The following LDLRAD3 variants were observed in gnomAD, a reference collection of about 807,000 sequenced individuals.
LDLRAD3 encodes low-density lipoprotein receptor class A domain-containing protein 3.
A neutral mutation model predicts 29.4 loss-of-function variants in LDLRAD3; 20 were observed. That is an observed-to-expected ratio of 0.68 (90% CI 0.48 to 0.99). The LOEUF is 0.99. Among genes scored for constraint, LDLRAD3 ranks in the 50% least tolerant of loss-of-function variants. LDLRAD3 has a pLI of 0.00. For missense variants in LDLRAD3, 420 were observed against 454.3 expected (o/e 0.92, Z 0.69); for synonymous variants, 157 against 192.7 (o/e 0.81, Z 1.53).
intron 1 of LDLRAD3, among the ~76,000 whole-genome samples, chr11:35,973,171 GTTTTT>G (rs200993993): frequency 7.8e-6 from 1 of 128,546 alleles, no homozygotes; most frequent in Non-Finnish European, 1.7e-5. Flanking sequence ...GTTTTGTTTT[GTTTTT>G]TTTGATTATT....
chr11:36,053,585 GACATC>G (rs1187219565), intron 2 of LDLRAD3, among the ~76,000 whole-genome samples: 1 of 152,214 alleles, frequency 6.6e-6, no homozygotes, highest in Non-Finnish European at 1.5e-5. Flanking sequence ...GTGCCTGGTA[GACATC>G]AGCCTTGGCT....
At chr11:36,210,486 T>C (rs1418390180) in intron 4 of LDLRAD3, among the ~76,000 whole-genome samples, 1 of 152,146 alleles carries the variant, frequency 6.6e-6, no homozygotes, top group African/African-American at 2.4e-5. Context: ...ATTTCCTCTT[T>C]ATAGAATTGA....
At chr11:35,969,222 T>C (rs1224816749) in intron 1 of LDLRAD3, among the ~76,000 whole-genome samples, 1 of 152,212 alleles carries the variant, frequency 6.6e-6, no homozygotes, top group Non-Finnish European at 1.5e-5. Flanking sequence ...CTGCTCACGC[T>C]GGTGTGAACC....
At chr11:36,070,566 G>C (rs1303009363) in intron 2 of LDLRAD3, among the ~76,000 whole-genome samples, 1 of 152,186 alleles carries the variant, frequency 6.6e-6, no homozygotes, top group Non-Finnish European at 1.5e-5. Flanking sequence ...ATGATTCTTG[G>C]AGCGGCAATA....
At chr11:36,025,216 C>T (rs1219061174) in intron 1 of LDLRAD3, among the ~76,000 whole-genome samples, 2 of 152,022 alleles carry the variant, frequency 1.3e-5, no homozygotes, top group Non-Finnish European at 2.9e-5. Context: ...ATATGTCTTT[C>T]ATAGGGTTTT....
intron 2 of LDLRAD3, among the ~76,000 whole-genome samples, chr11:36,046,451 T>G (rs978751110): frequency 5.9e-5 from 9 of 152,192 alleles, no homozygotes; most frequent in Non-Finnish European, 1.0e-4. Context: ...GGCTTGTAGA[T>G]ACATCACTCC....
chr11:36,177,317 A>G (rs1288974087), intron 4 of LDLRAD3, among the ~76,000 whole-genome samples: 6 of 152,072 alleles, frequency 3.9e-5, no homozygotes, highest in Admixed American at 3.9e-4. Context: ...TTTTTCTGGC[A>G]GTTTAGTGAT....
intron 1 of LDLRAD3, among the ~76,000 whole-genome samples, chr11:35,965,026 G>C (rs1361893470): frequency 6.6e-6 from 1 of 151,722 alleles, no homozygotes; most frequent in Admixed American, 6.6e-5. Context: ...AGTTGAGCTG[G>C]GGCGGAAGTG....
At chr11:35,971,671 C>G (rs1406920052) in intron 1 of LDLRAD3, among the ~76,000 whole-genome samples, 1 of 152,180 alleles carries the variant, frequency 6.6e-6, no homozygotes, top group Non-Finnish European at 1.5e-5. Flanking sequence ...CGGTCAGTGG[C>G]ATTTTGTGAT....
At chr11:36,135,852 G>A (rs1249567922) in intron 4 of LDLRAD3, among the ~76,000 whole-genome samples, 1 of 152,210 alleles carries the variant, frequency 6.6e-6, no homozygotes, top group Admixed American at 6.5e-5. Context: ...AGAGGTTGCA[G>A]TGAGCCGAGA....
intron 2 of LDLRAD3, among the ~76,000 whole-genome samples, chr11:36,053,107 G>A (rs867159173): frequency 7.2e-5 from 11 of 152,122 alleles, no homozygotes; most frequent in African/African-American, 1.9e-4. Context: ...TGTCCTTGCC[G>A]AAAACAAAGC....
At chr11:36,084,313 C>A (rs956284750) in intron 3 of LDLRAD3, among the ~76,000 whole-genome samples, 3 of 152,148 alleles carry the variant, frequency 2.0e-5, no homozygotes, top group Non-Finnish European at 4.4e-5. Flanking sequence ...GACATAGCTA[C>A]CATTTAAAAA....
In LDLRAD3 at chr11:36,036,030, AC is replaced by A. The variant is rs963271453; in HGVS notation, c.47-72del. On this transcript the variant is annotated intron_variant, in intron 1 of 5. Transcript: ENST00000315571. ...AGAAGTCTCACCTATACCAAACCACACACCTTTCAGTTGAGGGGCGCTGAGG... is the reference window on the plus strand; with the variant it reads ...AGAAGTCTCACCTATACCAAACCACAACCTTTCAGTTGAGGGGCGCTGAGG... 7 of 1,498,950 alleles carry A rather than the reference AC, an allele frequency of 4.7e-6. No homozygotes were observed. The African/African-American group carries it at 9.7e-5, about 21-fold the overall frequency. 92.9% of individuals were successfully genotyped at this position (1,498,950 alleles called of 1,614,324 possible).
At chr11:36,096,415 C>A (rs911951077) in intron 3 of LDLRAD3, among the ~76,000 whole-genome samples, 24 of 152,128 alleles carry the variant, frequency 1.6e-4, no homozygotes, top group Non-Finnish European at 2.5e-4. Context: ...CTGGGCCTGG[C>A]GTCTGTTCTG....
intron 4 of LDLRAD3, among the ~76,000 whole-genome samples, chr11:36,171,174 C>A (rs182614995): frequency 1.3e-5 from 2 of 152,098 alleles, no homozygotes; most frequent in Admixed American, 6.6e-5. Context: ...TTGTTTGAGT[C>A]CCTTGTAGAT....
chr11:36,036,290 T>C (rs2133210289), intron 2 of LDLRAD3, 41 bp downstream of exon 2: 1 of 1,612,592 alleles, frequency 6.2e-7, no homozygotes, highest in South Asian at 1.1e-5. Flanking sequence ...GTGGCAGCCA[T>C]CCTGGGGCAG....
chr11:36,222,250 A>G (rs1855439304), intron 4 of LDLRAD3, among the ~76,000 whole-genome samples: 1 of 151,982 alleles, frequency 6.6e-6, no homozygotes. Flanking sequence ...CTAAATTATT[A>G]CATTTTTATT....
intron 1 of LDLRAD3, among the ~76,000 whole-genome samples, chr11:35,991,404 A>G (rs938491203): frequency 6.6e-6 from 1 of 152,198 alleles, no homozygotes; most frequent in African/African-American, 2.4e-5. Flanking sequence ...TCTTACCTCC[A>G]TATATTACAT....
intron 4 of LDLRAD3, among the ~76,000 whole-genome samples, chr11:36,223,844 T>C (rs935945257): frequency 2.3e-4 from 35 of 151,810 alleles, no homozygotes; most frequent in African/African-American, 7.7e-4. Context: ...CCCAGCTTTC[T>C]ACCCCCAGTT....
Sources: gnomAD v4.1 joint callset for allele counts (sites outside exome capture counted in the v4.1 genomes callset) on GRCh38, gnomAD v4.1.1 for gene constraint, MANE v1.5 for transcripts, NCBI Gene and HGNC (gene_info 2026-07-23, HGNC 2026-07-21) for gene names.